The following RAB2A variants were observed in gnomAD, a reference collection of about 807,000 sequenced individuals.
RAB2A encodes the protein ras-related protein Rab-2A.
Under a neutral mutation model 32.5 loss-of-function variants are expected in RAB2A, and 7 were observed. The ratio of observed to expected loss-of-function variants is 0.22; its 90% CI spans 0.12 to 0.40. RAB2A has a LOEUF of 0.40. Ranked by LOEUF, RAB2A falls within the 10% of genes least tolerant of loss-of-function variation. RAB2A has a pLI of 1.00. For synonymous variants in RAB2A, 79 were observed against 85.2 expected, an observed-to-expected ratio of 0.93 and a Z score of 0.40; for missense variants, 108 against 260.7, an observed-to-expected ratio of 0.41 and a Z score of 4.03.
At chr8:60,524,062 G>A (rs752796082) in intron 1 of RAB2A, among the ~76,000 whole-genome samples, 4 of 151,760 alleles carry the variant, frequency 2.6e-5, no homozygotes, top group African/African-American at 2.4e-5. Flanking sequence ...TATTTATACC[G>A]TGCCTGAGAC....
intron 7 of RAB2A, 53 bp from the exon 8 acceptor site, chr8:60,620,621 A>C: frequency 1.6e-6 from 2 of 1,278,544 alleles, no homozygotes; most frequent in Non-Finnish European, 2.3e-6. Flanking sequence ...TTTAAGAATT[A>C]GTTAAACTAT....
chr8:60,578,067 A>C (rs1284957692), intron 3 of RAB2A, among the ~76,000 whole-genome samples: 2 of 152,160 alleles, frequency 1.3e-5, no homozygotes, highest in Non-Finnish European at 2.9e-5. Flanking sequence ...TCTGTCTTCT[A>C]CATAGCTGGA....
intron 6 of RAB2A, among the ~76,000 whole-genome samples, chr8:60,611,602 G>T (rs1304321179): frequency 6.6e-6 from 1 of 152,172 alleles, no homozygotes; most frequent in Admixed American, 6.5e-5. Context: ...TACAAATCAA[G>T]CACTCAGGAA....
At chr8:60,582,996 A>C (rs1010230424) in intron 3 of RAB2A, among the ~76,000 whole-genome samples, 3 of 147,442 alleles carry the variant, frequency 2.0e-5, no homozygotes, top group African/African-American at 7.4e-5. Flanking sequence ...TGCCTGCTAT[A>C]TGCCGGACCC....
intron 6 of RAB2A, among the ~76,000 whole-genome samples, chr8:60,614,716 T>G (rs1804420367): frequency 6.6e-6 from 1 of 152,208 alleles, no homozygotes; most frequent in African/African-American, 2.4e-5. Flanking sequence ...TGCCTTAAGT[T>G]TAGGTATTAT....
chr8:60,599,625 A>G (rs1467161430), intron 6 of RAB2A, among the ~76,000 whole-genome samples: 6 of 152,202 alleles, frequency 3.9e-5, no homozygotes, highest in African/African-American at 1.2e-4. Context: ...AAACACGCGT[A>G]CAAATATGCA....
At chr8:60,606,671 A>G (rs1369593886) in intron 6 of RAB2A, among the ~76,000 whole-genome samples, 2 of 152,244 alleles carry the variant, frequency 1.3e-5, no homozygotes, top group African/African-American at 4.8e-5. Context: ...ACAACCACAT[A>G]GATATTTATT....
chr8:60,591,321 C>T (rs1489831464), intron 5 of RAB2A, among the ~76,000 whole-genome samples: 1 of 148,692 alleles, frequency 6.7e-6, no homozygotes, highest in African/African-American at 2.5e-5. Context: ...CTCCCTCCCT[C>T]CCTCTCTCTC....
At chr8:60,605,192 A>G (rs759900776) in intron 6 of RAB2A, among the ~76,000 whole-genome samples, 8 of 152,218 alleles carry the variant, frequency 5.3e-5, no homozygotes, top group Non-Finnish European at 7.3e-5. Context: ...GCTAGCCACA[A>G]GCCTTGGTAG....
intron 2 of RAB2A, among the ~76,000 whole-genome samples, chr8:60,560,205 A>C (rs1287188783): frequency 2.6e-5 from 4 of 152,102 alleles, no homozygotes; most frequent in African/African-American, 9.7e-5. Context: ...TTCCCATCTC[A>C]GCTTCCCAGG....
At chr8:60,543,642 T>A (rs965774044) in intron 1 of RAB2A, among the ~76,000 whole-genome samples, 12 of 152,212 alleles carry the variant, frequency 7.9e-5, no homozygotes, top group Non-Finnish European at 1.8e-4. Flanking sequence ...CTATTCAATT[T>A]ACTACAGTAA....
In RAB2A at chr8:60,572,009, A is replaced by G. The variant is rs373858561; in HGVS notation, c.119-37A>G. 1.5e-5 allele frequency: 22 copies of G among 1,467,074 alleles called. No individual in the cohort carries two copies. The African/African-American group carries it at 1.8e-4, about 12-fold the overall frequency. 90.9% of individuals were successfully genotyped at this position (1,467,074 alleles called of 1,614,324 possible). A position where few individuals can be genotyped will look rare whatever the true frequency, so the allele number is the denominator to read the frequency against. On this transcript the variant is annotated intron_variant, in intron 2 of 7. Transcript: ENST00000262646. ...ATCCTTGAAAGTGAGATATATTCCC[A>G]CTAATTTTGTAACAAATCATTTCCT...
chr8:60,608,573 T>C (rs1804281651), intron 6 of RAB2A, among the ~76,000 whole-genome samples: 1 of 147,488 alleles, frequency 6.8e-6, no homozygotes, highest in African/African-American at 2.5e-5. Flanking sequence ...CTCCTTCTCC[T>C]TCTCCTCCTC....
chr8:60,576,210 A>G (rs1369641349), intron 3 of RAB2A: 2 of 456,170 alleles, frequency 4.4e-6, no homozygotes, highest in Non-Finnish European at 8.8e-6. Flanking sequence ...CCAAAGCCAA[A>G]CTGTAAATAT....
At chr8:60,589,515 T>A (rs1408595023) in intron 5 of RAB2A, among the ~76,000 whole-genome samples, 2 of 152,188 alleles carry the variant, frequency 1.3e-5, no homozygotes, top group African/African-American at 4.8e-5. Context: ...TTTTTCTTAC[T>A]ATGGCATTTT....
chr8:60,580,711 G>A (rs769363927), intron 3 of RAB2A, among the ~76,000 whole-genome samples: 5 of 152,186 alleles, frequency 3.3e-5, no homozygotes, highest in Non-Finnish European at 5.9e-5. Flanking sequence ...ATATTGGAAC[G>A]TGTTTTGTTC....
rs545598477 is a variant in RAB2A, at chr8:60,550,542, C to T, written c.47-8310C>T. On this transcript the variant is annotated intron_variant, in intron 1 of 7. Transcript: ENST00000262646. Reference sequence around the variant, plus strand: ...GGGACTAAGGTGTGCACCACCATGCCTGGCTAAGTTTTTTGTATTTTTTTT... The same window carrying T: ...GGGACTAAGGTGTGCACCACCATGCTTGGCTAAGTTTTTTGTATTTTTTTT... Among the ~76,000 whole-genome samples the T allele has an allele frequency of 4.1e-4, 63 of 152,130 alleles. No homozygotes were observed. In the South Asian group the frequency reaches 0.013, roughly 31 times the overall value.
At chr8:60,590,613 A>C (rs575080615) in intron 5 of RAB2A, among the ~76,000 whole-genome samples, 1 of 147,962 alleles carries the variant, frequency 6.8e-6, no homozygotes, top group South Asian at 2.1e-4. Context: ...ATATATATAT[A>C]ATGCTTATTG....
chr8:60,556,793 G>C (rs1807946270), intron 1 of RAB2A, among the ~76,000 whole-genome samples: 2 of 152,000 alleles, frequency 1.3e-5, no homozygotes, highest in Admixed American at 6.6e-5. Flanking sequence ...TTGTGAAGTG[G>C]GAAAGGGTTT....
Sources: gnomAD v4.1 joint callset for allele counts (sites outside exome capture counted in the v4.1 genomes callset) on GRCh38, gnomAD v4.1.1 for gene constraint, MANE v1.5 for transcripts, NCBI Gene and HGNC (gene_info 2026-07-23, HGNC 2026-07-21) for gene names.